Variants in FUS observed in about 807,000 individuals in gnomAD.
FUS encodes FUS RNA binding protein.
In FUS, 5 loss-of-function variants were observed where a neutral mutation model predicts 82.7. The observed-to-expected ratio is 0.06, with a 90% CI of 0.03 to 0.13. FUS has a LOEUF of 0.13. FUS is among the 10% of genes least tolerant of loss of function. The pLI, the probability that FUS is intolerant of heterozygous loss-of-function variation, is 1.00. For missense variants in FUS, 512 were observed against 707.8 expected (o/e 0.72, Z 3.14); for synonymous variants, 281 against 247.4 (o/e 1.14, Z -1.27).
chr16:31,185,026 G>A lies in FUS; in HGVS notation c.611G>A (p.Gly204Asp), dbSNP rs1292630188. The A allele has an allele frequency of 2.5e-6, 4 of 1,613,486 alleles. No individual in the cohort carries two copies. Among genetic ancestry groups the A allele is most frequent in the Non-Finnish European group, 3.4e-6 (4 of 1,179,728 alleles). ...AATCAAGACCAGAGTGGTGGAGGTG[G>A]CAGCGGTGGCTATGGACAGCAGGAC... ...YGNQDQSGGG[G>D]SGGYGQQDRG... The change falls in exon 6 of 15, where the codon GGC becomes GAC. Residue 204 changes from glycine (G) to aspartate (D), a missense_variant. By Grantham distance (94) the Gly-to-Asp change is moderately conservative (BLOSUM62 -1). Around this residue, in one of 6 missense-constraint regions of FUS, gnomAD observed 276 missense variants for 303.3 expected, o/e 0.91. Coordinates refer to ENST00000254108, the MANE Select transcript of FUS (RefSeq NM_004960.4).
intron 6 of FUS, chr16:31,185,891 T>A (rs769654167): frequency 1.2e-5 from 3 of 260,756 alleles, no homozygotes; most frequent in African/African-American, 2.2e-5. Flanking sequence ...AACCTTAGAT[T>A]TGATGTTAAA....
chr16:31,189,067 T>C, intron 8 of FUS, 56 bp from the exon 9 acceptor site: 2 of 1,366,294 alleles, frequency 1.5e-6, no homozygotes, highest in South Asian at 1.2e-5. Context: ...TTAGGTTTTT[T>C]CCTGTGTTTT....
chr16:31,188,721 A>G (rs760130593), intron 8 of FUS: 21 of 473,778 alleles, frequency 4.4e-5, no homozygotes, highest in Non-Finnish European at 7.2e-5. Context: ...ACCTGACCAC[A>G]TGAAGTAAAG....
rs749431089 is a variant in FUS, at chr16:31,180,159, G to A, written c.-56G>A. ...GGGCTGCTCAGTCCTCCAGGCGTCG[G>A]TACTCAGCGGTGTTGGAACTTCGTT... On this transcript the variant is annotated 5_prime_UTR_variant, in exon 1 of 15. Coordinates refer to ENST00000254108, the MANE Select transcript of FUS (RefSeq NM_004960.4). The A allele has an allele frequency of 1.3e-6, 2 of 1,597,440 alleles. No individual in the cohort carries two copies. Among genetic ancestry groups the A allele is most frequent in the Non-Finnish European group, 1.7e-6 (2 of 1,171,980 alleles).
At chr16:31,185,473 T>G (rs757275448) in intron 6 of FUS, 5 of 634,532 alleles carry the variant, frequency 7.9e-6, no homozygotes, top group South Asian at 7.6e-5. Flanking sequence ...ATTAATATCC[T>G]AGGCAAGAAA....
At chr16:31,193,643 G>C (rs559562878), downstream of FUS, 27 of 530,134 alleles carry the variant, frequency 5.1e-5, no homozygotes, top group Non-Finnish European at 9.9e-5. Flanking sequence ...GGTCCCAGGT[G>C]ACTGTTTAGT....
chr16:31,192,244 C>G (rs887830023), downstream of FUS: 1 of 526,204 alleles, frequency 1.9e-6, no homozygotes, highest in East Asian at 4.0e-5. Flanking sequence ...GGCTTGATCC[C>G]TTTTTGATTG....
chr16:31,183,548 C>G (rs1041599454), intron 3 of FUS: 4 of 411,076 alleles, frequency 9.7e-6, no homozygotes, highest in Non-Finnish European at 1.8e-5. Context: ...CCTGTAGATA[C>G]TGCACGCACA....
chr16:31,189,658 TC>T lies in FUS; in HGVS notation c.937-6del. On this transcript the variant is annotated splice_region_variant and splice_polypyrimidine_tract_variant and intron_variant, in intron 9 of 14. Coordinates refer to ENST00000254108, the MANE Select transcript of FUS (RefSeq NM_004960.4). The stretch of plus-strand genomic sequence containing the variant: ...AAATTGATGTTACCTCATTTTGCTT[TC>T]TTCAGACAAACAAGAAAACGGGACA... 1 of 1,614,176 alleles carries T rather than the reference TC, an allele frequency of 6.2e-7. No individual in the cohort carries two copies. The highest frequency in any genetic ancestry group is 8.5e-7 in the Non-Finnish European group (1 of 1,180,028).
At chr16:31,186,247 G>A (rs1052691967) in intron 6 of FUS, 1 of 261,024 alleles carries the variant, frequency 3.8e-6, no homozygotes. Flanking sequence ...GACCCCGGGG[G>A]TTGGGGGAGA....
intron 1 of FUS, 153 bp from the exon 2 acceptor site, chr16:31,182,245 C>A (rs2144100169): frequency 2.3e-6 from 2 of 860,498 alleles, no homozygotes; most frequent in East Asian, 2.6e-5. Flanking sequence ...CCCACCTCGG[C>A]CTCCCAAACT....
downstream of FUS, chr16:31,192,342 C>G (rs1183501630): frequency 7.6e-6 from 4 of 526,608 alleles, no homozygotes; most frequent in Non-Finnish European, 1.5e-5. Context: ...GAGCAGTGCT[C>G]CTCAGCCTCT....
chr16:31,181,740 A>T (rs1341694166), intron 1 of FUS, among the ~76,000 whole-genome samples: 2 of 152,126 alleles, frequency 1.3e-5, no homozygotes, highest in Non-Finnish European at 2.9e-5. Context: ...TCCTGGCGAT[A>T]ATGGCTTTCT....
chr16:31,191,075 C>T lies in FUS; in HGVS notation c.1506C>T (p.Asp502=). The T allele has an allele frequency of 1.2e-6, 2 of 1,613,106 alleles. No individual in the cohort carries two copies. Among genetic ancestry groups the T allele is most frequent in the Middle Eastern group, 1.9e-4 (1 of 5,294 alleles). ...TCCGAGGGGGCCGGGGTGGTGGGGACAGAGGTGGCTTTGGCCCTGGCAAGA... is the reference window on the plus strand; with the variant it reads ...TCCGAGGGGGCCGGGGTGGTGGGGATAGAGGTGGCTTTGGCCCTGGCAAGA... ...GGFRGGRGGG[D]RGGFGPGKMD... is the part of the protein sequence containing the mutation. Residue 502 remains aspartate, a synonymous_variant, in exon 14 of 15, where the codon GAC becomes GAT. Transcript: ENST00000254108.
At chr16:31,180,910 ATTTC>A (rs1211925999) in intron 1 of FUS, among the ~76,000 whole-genome samples, 31 of 144,868 alleles carry the variant, frequency 2.1e-4, no homozygotes, top group African/African-American at 4.2e-4. Context: ...TCCCGCCTAA[ATTTC>A]TTTCTTTTTT....
At chr16:31,192,028 G>A (rs1405215728), downstream of FUS, 2 of 533,122 alleles carry the variant, frequency 3.8e-6, no homozygotes, top group African/African-American at 1.9e-5. Flanking sequence ...GCCACTCTGG[G>A]TCTTTCACAG....
At chr16:31,186,461 A>C (rs557750023) in intron 6 of FUS, 11 of 439,680 alleles carry the variant, frequency 2.5e-5, no homozygotes, top group African/African-American at 3.9e-5. Context: ...TTTTAAACCA[A>C]CTACTTGGTT....
At chr16:31,185,321 CT>C in intron 6 of FUS, 142 bp downstream of exon 6, 1 of 1,067,298 alleles carries the variant, frequency 9.4e-7, no homozygotes, top group Non-Finnish European at 1.3e-6. Flanking sequence ...GGGGCAGTGA[CT>C]TTCTTTTTAC....
At chr16:31,191,139 A>G in intron 14 of FUS, 29 bp downstream of exon 14, 1 of 1,610,788 alleles carries the variant, frequency 6.2e-7, no homozygotes, top group Non-Finnish European at 8.5e-7. Flanking sequence ...ATAAAAAAGT[A>G]GAGCAGTTGA....
Sources: allele counts gnomAD v4.1 joint callset (sites outside exome capture counted in the v4.1 genomes callset), GRCh38; gene constraint gnomAD v4.1.1; regional missense constraint gnomAD v4.1.1; transcripts MANE v1.5; gene names NCBI Gene and HGNC (gene_info 2026-07-23, HGNC 2026-07-21).